Variants in KCNH5 observed in about 807,000 individuals in gnomAD.
KCNH5 encodes voltage-gated delayed rectifier potassium channel KCNH5.
Under a neutral mutation model 96.1 loss-of-function variants are expected in KCNH5, and 46 were observed. That is an observed-to-expected ratio of 0.48 (90% CI 0.38 to 0.61). The LOEUF (loss-of-function observed/expected upper bound fraction) is 0.61. Ranked by LOEUF, KCNH5 falls within the 20% of genes least tolerant of loss-of-function variation. The pLI, the probability that KCNH5 is intolerant of heterozygous loss-of-function variation, is 0.00. For synonymous variants in KCNH5, 439 were observed against 449.8 expected, an observed-to-expected ratio of 0.98 and a Z score of 0.30; for missense variants, 907 against 1,225.8, an observed-to-expected ratio of 0.74 and a Z score of 3.88.
chr14:62,781,376 T>C (rs1036295370), intron 9 of KCNH5, among the ~76,000 whole-genome samples: 8 of 152,176 alleles, frequency 5.3e-5, no homozygotes, highest in East Asian at 1.9e-4. Context: ...TCAGACACCA[T>C]TGTCATTGAT....
chr14:62,765,780 G>T (rs1160443346), intron 10 of KCNH5, among the ~76,000 whole-genome samples: 1 of 152,034 alleles, frequency 6.6e-6, no homozygotes. Flanking sequence ...GCATTGGTCT[G>T]GGCAAAAATT....
At chr14:62,924,350 A>G (rs1248559869) in intron 7 of KCNH5, among the ~76,000 whole-genome samples, 1 of 151,996 alleles carries the variant, frequency 6.6e-6, no homozygotes, top group East Asian at 1.9e-4. Context: ...AAGAAAAGGG[A>G]CCACTTATAC....
At chr14:62,729,693 T>C (rs1432396052) in intron 10 of KCNH5, among the ~76,000 whole-genome samples, 1 of 152,222 alleles carries the variant, frequency 6.6e-6, no homozygotes, top group East Asian at 1.9e-4. Flanking sequence ...CTTTGCACAA[T>C]GCTAGATGAC....
intron 7 of KCNH5, among the ~76,000 whole-genome samples, chr14:62,851,787 A>G (rs1018106672): frequency 6.6e-6 from 1 of 152,136 alleles, no homozygotes; most frequent in African/African-American, 2.4e-5. Flanking sequence ...TTATTTTGAC[A>G]TGTTTAACTT....
chr14:62,991,321 T>C (rs773899952), intron 4 of KCNH5, among the ~76,000 whole-genome samples: 1 of 151,884 alleles, frequency 6.6e-6, no homozygotes, highest in Non-Finnish European at 1.5e-5. Context: ...AGGAAAGGCA[T>C]GGTAGGGAAG....
At chr14:62,906,254 C>T (rs959438330) in intron 7 of KCNH5, among the ~76,000 whole-genome samples, 20 of 152,064 alleles carry the variant, frequency 1.3e-4, no homozygotes, top group African/African-American at 3.9e-4. Flanking sequence ...GGGAATATCA[C>T]GTAAAAGAGT....
chr14:62,871,990 T>C (rs894198108), intron 7 of KCNH5, among the ~76,000 whole-genome samples: 2 of 152,306 alleles, frequency 1.3e-5, no homozygotes, highest in South Asian at 2.1e-4. Context: ...CCTGTTATCA[T>C]CTCTCTCACC....
chr14:63,016,890 A>C lies in KCNH5; in HGVS notation c.138T>G (p.Gly46=). ...GATGATATCCAGAGAGTTTACAAAA[A>C]CCGTCATTACTATAAACTACAGGCC... ...VDWPVVYSND[G]FCKLSGYHRA... Residue 46 remains glycine, a synonymous_variant, in exon 2 of 11, where the codon GGT becomes GGG. Transcript: ENST00000322893. 1 of 1,610,998 alleles carries C rather than the reference A, an allele frequency of 6.2e-7. No homozygotes were observed. Among genetic ancestry groups the C allele is most frequent in the Non-Finnish European group, 8.5e-7 (1 of 1,178,250 alleles).
intron 7 of KCNH5, among the ~76,000 whole-genome samples, chr14:62,887,041 A>G (rs753799847): frequency 6.6e-6 from 1 of 152,226 alleles, no homozygotes; most frequent in Non-Finnish European, 1.5e-5. Context: ...TGGCATAAAG[A>G]GCATGTAAAG....
chr14:62,972,239 C>T (rs1890422792), intron 6 of KCNH5, among the ~76,000 whole-genome samples: 5 of 152,132 alleles, frequency 3.3e-5, no homozygotes, highest in Admixed American at 3.3e-4. Context: ...AGGTGTTCAG[C>T]AATATATGCC....
intron 10 of KCNH5, among the ~76,000 whole-genome samples, chr14:62,750,848 C>T (rs976324978): frequency 2.0e-5 from 3 of 152,196 alleles, no homozygotes; most frequent in African/African-American, 7.2e-5. Context: ...GCCTGAGATT[C>T]AATTACCTCA....
intron 7 of KCNH5, among the ~76,000 whole-genome samples, chr14:62,922,058 C>A (rs1411597405): frequency 2.6e-5 from 4 of 152,042 alleles, no homozygotes; most frequent in Admixed American, 2.0e-4. Context: ...GGCTTATTAT[C>A]CTATGATATA....
chr14:62,867,630 ACAT>A (rs1256035124), intron 7 of KCNH5, among the ~76,000 whole-genome samples: 3 of 152,148 alleles, frequency 2.0e-5, no homozygotes, highest in African/African-American at 7.2e-5. Flanking sequence ...CTTTAAAATA[ACAT>A]CAGATCATGT....
In KCNH5 at chr14:62,701,573, T is replaced by C. The variant is rs935404045; in HGVS notation, c.*5935A>G. ...GCTTTGGATGGTGTCAGTGGGGTCC[T>C]TCACAGTCATTATTTTAAAAGTAGG... On this transcript the variant is annotated 3_prime_UTR_variant, in exon 11 of 11. Transcript: ENST00000322893. 6.6e-6 allele frequency: 1 copy of C among 152,134 alleles called. No individual in the cohort carries two copies. The highest frequency in any genetic ancestry group is 2.4e-5 in the African/African-American group (1 of 41,454). 9.4% of individuals were successfully genotyped at this position (152,134 alleles called of 1,614,324 possible).
In KCNH5 at chr14:62,708,133, G is replaced by A. The variant is rs375603709; in HGVS notation, c.2342C>T (p.Ala781Val). The change falls in exon 11 of 11, where the codon GCC becomes GTC. Residue 781 changes from alanine to valine, a missense_variant. By Grantham distance (64) the Ala-to-Val change is moderately conservative. This residue lies in a region of KCNH5 where 362 missense variants were observed against 394.4 expected (regional missense o/e 0.92). Transcript: ENST00000322893. ...SESLKQNNRD[A>V]MELKPNGGAD... The stretch of plus-strand genomic sequence containing the variant: ...ACCGCCGTTGGGCTTGAGTTCCATG[G>A]CATCACGGTTGTTCTGCTTAAGGGA... 1.9e-6 allele frequency: 3 copies of A among 1,614,100 alleles called. No individual in the cohort carries two copies. Among genetic ancestry groups the A allele is most frequent in the Admixed American group, 3.3e-5 (2 of 60,016 alleles).
chr14:62,935,336 G>A (rs1340464904), intron 7 of KCNH5, among the ~76,000 whole-genome samples: 1 of 152,166 alleles, frequency 6.6e-6, no homozygotes, highest in East Asian at 1.9e-4. Flanking sequence ...AGTGGAACTA[G>A]AAAGACAAGT....
chr14:62,966,852 C>A (rs781363073), intron 6 of KCNH5, among the ~76,000 whole-genome samples: 18 of 152,172 alleles, frequency 1.2e-4, no homozygotes, highest in Non-Finnish European at 2.4e-4. Context: ...CTAGCCACTC[C>A]CTGTTTTTAA....
At chr14:62,944,892 G>A (rs7157913) in intron 7 of KCNH5, among the ~76,000 whole-genome samples, 1 of 152,048 alleles carries the variant, frequency 6.6e-6, no homozygotes, top group Non-Finnish European at 1.5e-5. Context: ...GCAAGAAGAT[G>A]TCAAAAATTG....
chr14:62,808,980 C>G (rs1423278295), intron 8 of KCNH5, among the ~76,000 whole-genome samples: 1 of 152,056 alleles, frequency 6.6e-6, no homozygotes, highest in Non-Finnish European at 1.5e-5. Flanking sequence ...TTTCAGAACT[C>G]TCATGAAGAG....
Sources: gnomAD v4.1 joint callset for allele counts (sites outside exome capture counted in the v4.1 genomes callset) on GRCh38, gnomAD v4.1.1 for gene constraint, gnomAD v4.1.1 regional missense constraint, MANE v1.5 for transcripts, NCBI Gene and HGNC (gene_info 2026-07-23, HGNC 2026-07-21) for gene names.